Variants in CLCA2 observed in about 807,000 individuals in gnomAD.
CLCA2 encodes the protein chloride channel accessory 2, also known as calcium-activated chloride channel regulator 2.
In CLCA2, 85 loss-of-function variants were observed where a neutral mutation model predicts 82.9. The observed-to-expected ratio is 1.03, with a 90% CI of 0.86 to 1.23. CLCA2 has a LOEUF of 1.23. Among genes scored for constraint, CLCA2 ranks in the 50% most tolerant of loss-of-function variants. CLCA2 has a pLI of 0.00. For synonymous variants in CLCA2, 421 were observed against 391.7 expected, an observed-to-expected ratio of 1.07 and a Z score of -0.88; for missense variants, 1,089 against 1,124.8, an observed-to-expected ratio of 0.97 and a Z score of 0.45.
intron 7 of CLCA2, 94 bp from the exon 8 acceptor site, chr1:86,440,054 G>T: frequency 2.4e-6 from 3 of 1,257,506 alleles, no homozygotes; most frequent in South Asian, 2.7e-5. Context: ...GGGTGTAGGA[G>T]CTACAGTGGG....
Position 86,455,336 on chromosome 1 carries a change from A to G in CLCA2, c.2641A>G (p.Ile881Val), listed in dbSNP as rs1176562006. The change falls in exon 14 of 14, where the codon ATT becomes GTT. Residue 881 changes from isoleucine (I) to valine (V), a missense_variant. Ile to Val is a conservative substitution (Grantham distance 29). Transcript: ENST00000370565. ...CTCCTTACAGTCTGCTGTATCTAACATTGCCCAGGCGCCTCTGTTTATTCC... is the reference window on the plus strand; with the variant it reads ...CTCCTTACAGTCTGCTGTATCTAACGTTGCCCAGGCGCCTCTGTTTATTCC... ...RNSLQSAVSN[I>V]AQAPLFIPPN... 1.2e-6 allele frequency: 2 copies of G among 1,612,940 alleles called. No homozygotes were observed. The highest frequency in any genetic ancestry group is 4.5e-5 in the East Asian group (2 of 44,828).
chr1:86,429,780 A>G (rs1190730659), intron 3 of CLCA2, among the ~76,000 whole-genome samples: 2 of 152,192 alleles, frequency 1.3e-5, no homozygotes, highest in African/African-American at 4.8e-5. Flanking sequence ...TTTTGTTAAC[A>G]AGGATTTTGT....
At chr1:86,452,460 C>A (rs1662992126) in intron 12 of CLCA2, among the ~76,000 whole-genome samples, 2 of 152,156 alleles carry the variant, frequency 1.3e-5, no homozygotes, top group African/African-American at 4.8e-5. Flanking sequence ...TTTGTCACTT[C>A]CCTTCTTCCC....
intron 13 of CLCA2, 71 bp from the exon 14 acceptor site, chr1:86,455,014 A>G (rs1570270184): frequency 1.1e-6 from 1 of 875,090 alleles, no homozygotes; most frequent in East Asian, 2.8e-5. Flanking sequence ...TGTTCTCATT[A>G]GTAATTTCTA....
intron 3 of CLCA2, among the ~76,000 whole-genome samples, chr1:86,430,619 T>A (rs565239185): frequency 9.2e-5 from 14 of 152,294 alleles, no homozygotes; most frequent in African/African-American, 2.9e-4. Context: ...GTGCAACAAG[T>A]AAATTACTGC....
chr1:86,449,647 A>C (rs1042491482), intron 11 of CLCA2, among the ~76,000 whole-genome samples: 1 of 152,168 alleles, frequency 6.6e-6, no homozygotes, highest in African/African-American at 2.4e-5. Flanking sequence ...AGTGGGGAAG[A>C]GGGAGATTCT....
intron 6 of CLCA2, among the ~76,000 whole-genome samples, chr1:86,437,118 A>C (rs1010220193): frequency 2.2e-4 from 34 of 152,230 alleles, no homozygotes; most frequent in Non-Finnish European, 4.4e-5. Flanking sequence ...ACTTGAGAGT[A>C]TCATCTGAAA....
chr1:86,442,766 A>G (rs12096694), intron 9 of CLCA2, among the ~76,000 whole-genome samples: 14,207 of 152,162 alleles, frequency 0.093, 744 homozygotes, highest in Middle Eastern at 0.16. Context: ...AATACGCAGT[A>G]ATTAAATGCA....
At chr1:86,432,678 A>T (rs1364958580) in intron 5 of CLCA2, 150 bp downstream of exon 5, 1 of 901,290 alleles carries the variant, frequency 1.1e-6, no homozygotes, top group African/African-American at 1.7e-5. Flanking sequence ...AGATTTAAAA[A>T]TTGGAACCCC....
At chr1:86,442,160 G>A (rs1287519318) in intron 9 of CLCA2, among the ~76,000 whole-genome samples, 1 of 152,168 alleles carries the variant, frequency 6.6e-6, no homozygotes, top group Non-Finnish European at 1.5e-5. Flanking sequence ...TGGCAAGTGT[G>A]CCTGCCAAGT....
rs1474517205 is a variant in CLCA2 at position 86,439,053 on chromosome 1, G to C, written c.1150G>C (p.Val384Leu). 2 of 1,613,978 alleles carry C rather than the reference G, an allele frequency of 1.2e-6. No individual in the cohort carries two copies. Among genetic ancestry groups the C allele is most frequent in the East Asian group, 2.2e-5 (1 of 44,886 alleles). ...GCTGGTTTCATATCTGCCCACCACT[G>C]TATCAGCTAAAACAGACATCAGCAT... ...KLLVSYLPTTVSAKTDISICS... is the reference protein window; with the variant it reads ...KLLVSYLPTTLSAKTDISICS... The change falls in exon 7 of 14, where the codon GTA (valine) becomes CTA (leucine). Residue 384 changes from valine (V) to leucine (L), a missense_variant. Transcript: ENST00000370565.
chr1:86,444,007 C>T lies in CLCA2; in HGVS notation c.1709C>T (p.Ala570Val). The change falls in exon 10 of 14, where the codon GCT (alanine) becomes GTT (valine). Residue 570 changes from alanine to valine, a missense_variant. Coordinates refer to ENST00000370565, the MANE Select transcript of CLCA2 (RefSeq NM_006536.7). ...GCTAGTCTTTGGATTCCAGGAACAGCTAAGGTAGGTGTTGTGAGTTTGTTC... is the reference window on the plus strand; with the variant it reads ...GCTAGTCTTTGGATTCCAGGAACAGTTAAGGTAGGTGTTGTGAGTTTGTTC... The part of the protein sequence containing the change: ...RTASLWIPGT[A>V]KPGHWTYTLN... 6.2e-7 allele frequency: 1 copy of T among 1,600,018 alleles called. No homozygotes were observed. The highest frequency in any genetic ancestry group is 8.6e-7 in the Non-Finnish European group (1 of 1,167,486).
At chr1:86,428,266 T>C (rs1214991490) in intron 2 of CLCA2, 152 bp from the exon 3 acceptor site, 4 of 591,072 alleles carry the variant, frequency 6.8e-6, no homozygotes, top group Non-Finnish European at 5.2e-6. Context: ...AAGGTGTTTT[T>C]CTTCAATTTT....
chr1:86,452,176 C>CTTTTTTTTTTTTT (rs753484167), intron 12 of CLCA2, among the ~76,000 whole-genome samples: 8 of 43,938 alleles, frequency 1.8e-4, no homozygotes, highest in African/African-American at 4.6e-4. Context: ...AACCTGGAAG[C>CTTTTTTTTTTTTT]TTTTTTTTTT....
intron 9 of CLCA2, among the ~76,000 whole-genome samples, chr1:86,443,277 C>T (rs1272513124): frequency 6.6e-6 from 1 of 152,196 alleles, no homozygotes; most frequent in African/African-American, 2.4e-5. Flanking sequence ...AATCCACTCG[C>T]CTTGGCCTCC....
Position 86,447,721 on chromosome 1 carries a change from A to G in CLCA2, c.1927A>G (p.Thr643Ala), listed in dbSNP as rs567109997. Reference protein sequence around the residue: ...YPILNATVTATVEPETGDPVT... With the variant: ...YPILNATVTAAVEPETGDPVT... ...CATTCTTAATGCCACTGTCACTGCCACAGTTGAGCCAGAGACTGGAGATCC... is the reference window on the plus strand; with the variant it reads ...CATTCTTAATGCCACTGTCACTGCCGCAGTTGAGCCAGAGACTGGAGATCC... Residue 643 changes from threonine to alanine, a missense_variant, in exon 11 of 14, where the codon ACA (threonine) becomes GCA (alanine). Physicochemically the swap from Thr to Ala is moderately conservative, Grantham distance 58. Transcript: ENST00000370565. The G allele has an allele frequency of 1.2e-6, 2 of 1,614,072 alleles. No homozygotes were observed. The highest frequency in any genetic ancestry group is 1.3e-5 in the African/African-American group (1 of 75,058).
intron 11 of CLCA2, 83 bp from the exon 12 acceptor site, chr1:86,450,480 G>T: frequency 9.5e-7 from 1 of 1,048,304 alleles, no homozygotes; most frequent in South Asian, 1.9e-5. Flanking sequence ...AGAATAAGGG[G>T]AGTAAATCTC....
intron 9 of CLCA2, 70 bp from the exon 10 acceptor site, chr1:86,443,717 G>A (rs1350635866): frequency 1.7e-6 from 2 of 1,165,746 alleles, no homozygotes; most frequent in African/African-American, 3.2e-5. Context: ...ATTGTTGTTT[G>A]TTAAAAAAGA....
At chr1:86,432,079 G>A (rs1482889120) in intron 4 of CLCA2, among the ~76,000 whole-genome samples, 1 of 152,020 alleles carries the variant, frequency 6.6e-6, no homozygotes, top group East Asian at 1.9e-4. Flanking sequence ...AGGATTACAG[G>A]TGCCCAACAC....
Sources: gnomAD v4.1 joint callset for allele counts (sites outside exome capture counted in the v4.1 genomes callset) on GRCh38, gnomAD v4.1.1 for gene constraint, MANE v1.5 for transcripts, NCBI Gene and HGNC (gene_info 2026-07-23, HGNC 2026-07-21) for gene names.